The following MCTP2 variants were observed in gnomAD, a reference collection of about 807,000 sequenced individuals.
The protein encoded by MCTP2 is multiple C2 and transmembrane domain-containing protein 2.
MCTP2 carries 132 observed loss-of-function variants against 111.6 expected under a neutral mutation model. The observed-to-expected ratio is 1.18, with a 90% CI of 1.03 to 1.37. MCTP2 has a LOEUF of 1.37. Among genes scored for constraint, MCTP2 ranks in the 40% most tolerant of loss-of-function variants. The pLI, the probability that MCTP2 is intolerant of heterozygous loss-of-function variation, is 0.00. For synonymous variants in MCTP2, 395 were observed against 387.7 expected (o/e 1.02, Z -0.22); for missense variants, 1,183 against 1,067.9 (o/e 1.11, Z -1.50).
chr15:94,339,211 A>G, intron 4 of MCTP2, 79 bp from the exon 5 acceptor site: 1 of 1,089,838 alleles, frequency 9.2e-7, no homozygotes, highest in South Asian at 1.7e-5. Context: ...GGGAGTGGGG[A>G]AAGGATCTTT....
At chr15:94,475,251 G>T (rs1442593457) in intron 21 of MCTP2, among the ~76,000 whole-genome samples, 1 of 152,158 alleles carries the variant, frequency 6.6e-6, no homozygotes, top group African/African-American at 2.4e-5. Flanking sequence ...GGGAAAAAAG[G>T]CAGAGTGCAG....
rs543076023 is a variant in MCTP2, at chr15:94,369,956, T to G, written c.1489-131T>G. 3.3e-5 allele frequency: 17 copies of G among 515,562 alleles called. No individual in the cohort carries two copies. The East Asian group carries it at 5.3e-4, about 16-fold the overall frequency. 31.9% of individuals were successfully genotyped at this position (515,562 alleles called of 1,614,324 possible). ...ACCGTCCTGTTATATAATATATTTT[T>G]GGGGATTTTTTTTTAAAGATTTCAT... is the stretch of plus-strand genomic sequence containing the variant. On this transcript the variant is annotated intron_variant, in intron 11 of 22. Transcript: ENST00000357742.
rs2076346224 is a variant in MCTP2 at position 94,315,646 on chromosome 15, T to G, written c.637+9T>G. On this transcript the variant is annotated intron_variant, in intron 4 of 22. Transcript: ENST00000357742. ...TGTCCGAGATCGCTGTGGTAAGACC[T>G]GGGTCTGTTATGGTGGGTGTAGCCT... is the stretch of plus-strand genomic sequence containing the variant. 6.2e-7 allele frequency: 1 copy of G among 1,603,996 alleles called. No homozygotes were observed. Among genetic ancestry groups the G allele is most frequent in the Non-Finnish European group, 8.5e-7 (1 of 1,170,976 alleles).
At chr15:94,339,078 A>G (rs1389915961) in intron 4 of MCTP2, among the ~76,000 whole-genome samples, 2 of 152,142 alleles carry the variant, frequency 1.3e-5, no homozygotes, top group African/African-American at 2.4e-5. Flanking sequence ...AAAATTACTC[A>G]AAGAGCCCAT....
intron 20 of MCTP2, among the ~76,000 whole-genome samples, chr15:94,466,916 GATTT>G (rs1446588631): frequency 2.0e-5 from 3 of 149,736 alleles, no homozygotes; most frequent in African/African-American, 5.1e-5. Context: ...AAAGTAATTT[GATTT>G]ATTTTTGTAG....
chr15:94,303,120 A>G (rs2075716368), intron 2 of MCTP2, among the ~76,000 whole-genome samples: 2 of 50,830 alleles, frequency 3.9e-5, no homozygotes, highest in Admixed American at 4.5e-4. Flanking sequence ...TATATAGTTT[A>G]TATATATAGT....
intron 1 of MCTP2, among the ~76,000 whole-genome samples, chr15:94,241,436 G>C (rs959821535): frequency 1.1e-4 from 17 of 152,192 alleles, no homozygotes; most frequent in African/African-American, 4.1e-4. Flanking sequence ...GTGCAATTTT[G>C]GTCGTTTCCA....
chr15:94,302,845 T>G (rs541807372), intron 2 of MCTP2, among the ~76,000 whole-genome samples: 1 of 152,208 alleles, frequency 6.6e-6, no homozygotes, highest in African/African-American at 2.4e-5. Context: ...TCCATTTTCA[T>G]GCTACTGATA....
intron 8 of MCTP2, among the ~76,000 whole-genome samples, chr15:94,345,803 G>A (rs1020476691): frequency 2.0e-5 from 3 of 152,176 alleles, no homozygotes; most frequent in Non-Finnish European, 2.9e-5. Flanking sequence ...CAGCAAAAAA[G>A]TATTTGTAAC....
intron 1 of MCTP2, among the ~76,000 whole-genome samples, chr15:94,240,823 TAA>T (rs2070893748): frequency 6.6e-6 from 1 of 152,192 alleles, no homozygotes; most frequent in Non-Finnish European, 1.5e-5. Context: ...ACTTAATTCC[TAA>T]GTGTTCATGT....
chr15:94,307,333 C>A (rs1402832274), intron 2 of MCTP2, among the ~76,000 whole-genome samples: 1 of 152,012 alleles, frequency 6.6e-6, no homozygotes, highest in African/African-American at 2.4e-5. Flanking sequence ...GAGAAGATAA[C>A]CTTCACACAA....
chr15:94,298,414 T>A lies in MCTP2; in HGVS notation c.149T>A (p.Leu50His). 6.2e-7 allele frequency: 1 copy of A among 1,614,190 alleles called. No homozygotes were observed. Among genetic ancestry groups the A allele is most frequent in the Non-Finnish European group, 8.5e-7 (1 of 1,180,016 alleles). ...ARHHLDRRLSLSVPDLLEAEA... is the reference protein window; with the variant it reads ...ARHHLDRRLSHSVPDLLEAEA... ...CATCACTTGGACCGCCGTCTCAGCC[T>A]CTCTGTGCCTGATCTCCTGGAGGCT... The change falls in exon 2 of 23, where the codon CTC (leucine) becomes CAC (histidine). Residue 50 changes from leucine to histidine, a missense_variant. Transcript: ENST00000357742.
At chr15:94,247,890 T>C (rs145444120) in intron 1 of MCTP2, among the ~76,000 whole-genome samples, 2,021 of 152,302 alleles carry the variant, frequency 0.013, 42 homozygotes, top group African/African-American at 0.046. Flanking sequence ...TTCATTTGTT[T>C]GTTCCATCAA....
chr15:94,434,807 T>C (rs2083377723), intron 17 of MCTP2, among the ~76,000 whole-genome samples: 1 of 152,190 alleles, frequency 6.6e-6, no homozygotes, highest in African/African-American at 2.4e-5. Context: ...TTTGCTAAAA[T>C]TGCTTTGACT....
intron 2 of MCTP2, among the ~76,000 whole-genome samples, chr15:94,308,064 A>G (rs1450775753): frequency 6.6e-6 from 1 of 152,238 alleles, no homozygotes; most frequent in Admixed American, 6.5e-5. Context: ...AAATATTATC[A>G]GACCACATCT....
At chr15:94,475,829 A>G (rs191938543) in intron 21 of MCTP2, among the ~76,000 whole-genome samples, 1 of 152,294 alleles carries the variant, frequency 6.6e-6, no homozygotes, top group Admixed American at 6.5e-5. Context: ...CCAGGGGCAG[A>G]GCGTGTCCTG....
At chr15:94,393,743 C>T (rs1396233763) in intron 14 of MCTP2, among the ~76,000 whole-genome samples, 3 of 151,906 alleles carry the variant, frequency 2.0e-5, no homozygotes, top group Non-Finnish European at 1.5e-5. Flanking sequence ...GTCAACCTAG[C>T]AGAAAACTTA....
chr15:94,261,520 C>T (rs372582061), intron 1 of MCTP2, among the ~76,000 whole-genome samples: 1 of 152,118 alleles, frequency 6.6e-6, no homozygotes. Flanking sequence ...TTGCAGGATG[C>T]TTCTGAGTAT....
At chr15:94,345,969 G>C (rs2077958490) in intron 8 of MCTP2, among the ~76,000 whole-genome samples, 1 of 152,136 alleles carries the variant, frequency 6.6e-6, no homozygotes, top group Non-Finnish European at 1.5e-5. Context: ...TGATCTCGGT[G>C]AATGCCTGTA....
Sources: allele counts gnomAD v4.1 joint callset (sites outside exome capture counted in the v4.1 genomes callset), GRCh38; gene constraint gnomAD v4.1.1; transcripts MANE v1.5; gene names NCBI Gene and HGNC (gene_info 2026-07-23, HGNC 2026-07-21).